The following GFM1 variants were observed in gnomAD, a reference collection of about 807,000 sequenced individuals.
GFM1 encodes the protein elongation factor G, mitochondrial.
In GFM1, 62 loss-of-function variants were observed where a neutral mutation model predicts 96.2. The observed-to-expected ratio is 0.64, with a 90% confidence interval of 0.53 to 0.80. GFM1 has a LOEUF of 0.80. Ranked by LOEUF, GFM1 falls within the 30% of genes least tolerant of loss-of-function variation. The probability of loss-of-function intolerance (pLI) is 0.00; values close to 1 mark genes in which losing one functional copy is unlikely to be tolerated. For synonymous variants in GFM1, 282 were observed against 312.9 expected (o/e 0.90, Z 1.04); for missense variants, 852 against 916.6 (o/e 0.93, Z 0.91).
Position 158,682,778 on chromosome 3 carries a change from A to T in GFM1, c.1764+621A>T, listed in dbSNP as rs551671549. Among the ~76,000 whole-genome samples the T allele has an allele frequency of 2.4e-4, 36 of 152,250 alleles. No homozygotes were observed. In the South Asian group the frequency reaches 3.7e-3, roughly 16 times the overall value. Reference sequence around the variant, plus strand: ...GATGGTTCATGCCTGTAATCCTAACATTTTGGGAGGCCGAGGCGGGCAGAT... The same window carrying T: ...GATGGTTCATGCCTGTAATCCTAACTTTTTGGGAGGCCGAGGCGGGCAGAT... On this transcript the variant is annotated intron_variant, in intron 14 of 17. Transcript: ENST00000486715.
intron 13 of GFM1, chr3:158,669,228 T>A: frequency 7.4e-7 from 1 of 1,351,068 alleles, no homozygotes; most frequent in Admixed American, 2.5e-5. Context: ...TTCCTTCGAA[T>A]GTTGTGCAAA....
In GFM1 at chr3:158,652,330, G is replaced by T. The variant is rs553465700; in HGVS notation, c.840+84G>T. 7 of 1,137,594 alleles carry T rather than the reference G, an allele frequency of 6.2e-6. No homozygotes were observed. The South Asian group carries it at 8.8e-5, about 14-fold the overall frequency. 70.5% of individuals were successfully genotyped at this position (1,137,594 alleles called of 1,614,324 possible). On this transcript the variant is annotated intron_variant, in intron 6 of 17. Coordinates refer to ENST00000486715, the MANE Select transcript of GFM1 (RefSeq NM_024996.7). ...TAGGGAGGGGACATGATGCTTTTAT[G>T]TATGGGCTTTATTAATGAAATCTCA...
At chr3:158,671,145 C>A in intron 13 of GFM1, 1 of 1,223,466 alleles carries the variant, frequency 8.2e-7, no homozygotes. Context: ...AGCCTTAGGT[C>A]TTGAAAAAGG....
rs1721570392 is a variant in GFM1, at chr3:158,644,534, C to T, written c.-101C>T. The T allele has an allele frequency of 1.1e-6, 1 of 925,992 alleles. No individual in the cohort carries two copies. The highest frequency in any genetic ancestry group is 1.7e-5 in the African/African-American group (1 of 60,382). The allele number at this position is 925,992 out of a possible 1,614,324, so 57.4% of individuals were successfully genotyped here. On this transcript the variant is annotated 5_prime_UTR_variant, in exon 1 of 18. Transcript: ENST00000486715. Reference sequence around the variant, plus strand: ...GTCCTTTGCCCCGGAAGTGCTCTTACAACATTGGCTGCCGGCGTGACTTTG... The same window carrying T: ...GTCCTTTGCCCCGGAAGTGCTCTTATAACATTGGCTGCCGGCGTGACTTTG...
rs1299754876 is a variant in GFM1 at position 158,675,779 on chromosome 3, A to G, written c.1602-6216A>G. ...CTTTCAGGCCCTTACATAATGTTCA[A>G]TTAGTCCTGGGATAATTGGACAATT... On this transcript the variant is annotated intron_variant, in intron 13 of 17. Transcript: ENST00000486715. Among the ~76,000 whole-genome samples, 13 of 152,198 alleles carry G rather than the reference A, an allele frequency of 8.5e-5. No individual in the cohort carries two copies. The East Asian group carries it at 2.3e-3, about 27-fold the overall frequency.
chr3:158,675,095 T>C (rs190686666), intron 13 of GFM1, among the ~76,000 whole-genome samples: 2 of 152,098 alleles, frequency 1.3e-5, no homozygotes, highest in South Asian at 2.1e-4. Flanking sequence ...AAGACCAGCC[T>C]GGCCAATATG....
chr3:158,667,687 C>G (rs1306339695), intron 13 of GFM1, among the ~76,000 whole-genome samples: 1 of 152,088 alleles, frequency 6.6e-6, no homozygotes, highest in African/African-American at 2.4e-5. Context: ...ACCTGGGAGG[C>G]TGAGGTGGGA....
chr3:158,695,141 A>G lies in GFM1; in HGVS notation c.*3674A>G, dbSNP rs543643491. ...GTAATTCCAGCACTTTGGGAGGCCA[A>G]GGTGGGTGGATAACCTGAGGTCAGG... On this transcript the variant is annotated 3_prime_UTR_variant, in exon 18 of 18. Coordinates refer to ENST00000486715, the MANE Select transcript of GFM1 (RefSeq NM_024996.7). 6.3e-4 allele frequency among the ~76,000 whole-genome samples: 96 copies of G among 152,338 alleles called. No homozygotes were observed. Among genetic ancestry groups the G allele is most frequent in the African/African-American group, 2.2e-3 (92 of 41,586 alleles).
chr3:158,671,765 G>C (rs1005210271), intron 13 of GFM1, among the ~76,000 whole-genome samples: 6 of 152,168 alleles, frequency 3.9e-5, no homozygotes, highest in Non-Finnish European at 5.9e-5. Context: ...TTTAATTCAA[G>C]CCTTTAGCAG....
At position 158,660,861 on chromosome 3, in the gene GFM1, T is replaced by C. The variant is rs781510424; in HGVS notation, c.1222-13T>C. 29 of 1,606,364 alleles carry C rather than the reference T, an allele frequency of 1.8e-5. No individual in the cohort carries two copies. The highest frequency in any genetic ancestry group is 2.7e-5 in the African/African-American group (2 of 74,814). On this transcript the variant is annotated splice_polypyrimidine_tract_variant and intron_variant, in intron 9 of 17. Transcript: ENST00000486715. ...TACTTGCAAATATAATTTTGTGTTA[T>C]TTGTTTTTTTAGGATGTTGAGGAAG...
At chr3:158,647,988 A>C (rs530237341) in intron 4 of GFM1, among the ~76,000 whole-genome samples, 1 of 152,150 alleles carries the variant, frequency 6.6e-6, no homozygotes, top group Admixed American at 6.5e-5. Flanking sequence ...GATTGGGCTT[A>C]TGAGAGAAAT....
chr3:158,653,674 G>C (rs1004082090), intron 7 of GFM1, among the ~76,000 whole-genome samples: 2 of 151,596 alleles, frequency 1.3e-5, no homozygotes, highest in Non-Finnish European at 2.9e-5. Flanking sequence ...TGAGTTGGAA[G>C]TATGATTTGT....
At chr3:158,688,084 G>A (rs17698494) in intron 15 of GFM1, among the ~76,000 whole-genome samples, 26,899 of 151,846 alleles carry the variant, frequency 0.18, 2,456 homozygotes, top group Non-Finnish European at 0.22. Context: ...TGTCAAAATT[G>A]GAAGAACAAT....
In GFM1 at chr3:158,659,047, C is replaced by T. The variant is rs149949638; in HGVS notation, c.1209C>T (p.Ala403=). Residue 403 remains alanine (A), a synonymous_variant, in exon 9 of 18, where the codon GCC becomes GCT. Transcript: ENST00000486715. ...TGCAACGGCTGGCTCGCATGCATGC[C>T]GACATGATGGAGGCAAGTACAGAGT... is the stretch of plus-strand genomic sequence containing the variant. The part of the protein sequence containing the change: ...VRLQRLARMH[A]DMMEDVEEVY... The T allele has an allele frequency of 2.2e-3, 3,535 of 1,614,006 alleles. 43 individuals are homozygous for T. In the African/African-American group the frequency reaches 0.029, roughly 13 times the overall value.
intron 10 of GFM1, 80 bp from the exon 11 acceptor site, chr3:158,662,547 TG>T: frequency 1.2e-6 from 1 of 801,640 alleles, no homozygotes; most frequent in Non-Finnish European, 2.3e-6. Flanking sequence ...TGTTGTAAAG[TG>T]GCACATTAAA....
chr3:158,650,272 A>G, intron 5 of GFM1: 1 of 567,388 alleles, frequency 1.8e-6, no homozygotes, highest in Non-Finnish European at 3.2e-6. Context: ...TTCCTACTTT[A>G]TTCACTGCTA....
chr3:158,680,253 A>T (rs908649945), intron 13 of GFM1, among the ~76,000 whole-genome samples: 1 of 152,064 alleles, frequency 6.6e-6, no homozygotes, highest in Non-Finnish European at 1.5e-5. Context: ...TCGTCTGCCA[A>T]ATAGTATTCA....
chr3:158,681,417 G>A (rs1560143379), intron 13 of GFM1, among the ~76,000 whole-genome samples: 1 of 152,194 alleles, frequency 6.6e-6, no homozygotes, highest in South Asian at 2.1e-4. Context: ...ACAGTGAACT[G>A]TGTTTATACA....
In GFM1 at chr3:158,672,668, C is replaced by T. The variant is rs1724469391; in HGVS notation, c.1601+6282C>T. Reference sequence around the variant, plus strand: ...CTGTTTGGGCCCAGGCTCCCTGCATCCGAGAGCCCTGGGCTGACTGCTTCT... The same window carrying T: ...CTGTTTGGGCCCAGGCTCCCTGCATTCGAGAGCCCTGGGCTGACTGCTTCT... On this transcript the variant is annotated intron_variant, in intron 13 of 17. Coordinates refer to ENST00000486715, the MANE Select transcript of GFM1 (RefSeq NM_024996.7). The T allele has an allele frequency of 5.0e-6, 3 of 597,036 alleles. No homozygotes were observed. In the Admixed American group the frequency reaches 9.3e-5, roughly 18 times the overall value. 37.0% of individuals were successfully genotyped at this position (597,036 alleles called of 1,614,324 possible).
Sources: gnomAD v4.1 joint callset for allele counts (sites outside exome capture counted in the v4.1 genomes callset) on GRCh38, gnomAD v4.1.1 for gene constraint, MANE v1.5 for transcripts, NCBI Gene and HGNC (gene_info 2026-07-23, HGNC 2026-07-21) for gene names.